MTX2: variants seen among roughly 807,000 people sequenced by gnomAD.
MTX2 encodes the protein metaxin-2.
In MTX2, 35 loss-of-function variants were observed where a neutral mutation model predicts 42.3. The ratio of observed to expected loss-of-function variants is 0.83; its 90% CI spans 0.63 to 1.10. MTX2 has a LOEUF of 1.10. Among genes scored for constraint, MTX2 ranks in the 50% least tolerant of loss-of-function variants. The pLI is 0.00. For synonymous variants in MTX2, 119 were observed against 100.9 expected (o/e 1.18, Z -1.08); for missense variants, 307 against 304.1 (o/e 1.01, Z -0.07).
rs113802324 is a variant in MTX2, at chr2:176,333,871, A to G, written c.620+3211A>G. ...GCCTATTAGCAATAGGGTGTACCAT[A>G]TACTCTAGGTGTATAGCACCATCTA... On this transcript the variant is annotated intron_variant, in intron 9 of 9. Transcript: ENST00000249442. Among the ~76,000 whole-genome samples the G allele has an allele frequency of 2.6e-3, 401 of 151,840 alleles. 3 individuals carry two copies. Among genetic ancestry groups the G allele is most frequent in the African/African-American group, 8.9e-3 (371 of 41,492 alleles).
At chr2:176,321,492 G>T (rs1558941375) in intron 3 of MTX2, among the ~76,000 whole-genome samples, 1 of 152,140 alleles carries the variant, frequency 6.6e-6, no homozygotes, top group Admixed American at 6.6e-5. Context: ...GCTTAAAAAG[G>T]TAGTTCACTT....
chr2:176,334,854 C>T (rs768183358), intron 9 of MTX2, among the ~76,000 whole-genome samples: 2 of 151,768 alleles, frequency 1.3e-5, no homozygotes, highest in Non-Finnish European at 2.9e-5. Context: ...GTGAGGGAAA[C>T]AGTTAAGTGA....
chr2:176,312,893 G>C (rs1356859529), intron 3 of MTX2, among the ~76,000 whole-genome samples: 1 of 140,644 alleles, frequency 7.1e-6, no homozygotes, highest in Non-Finnish European at 1.5e-5. Flanking sequence ...AAGAAAGAAA[G>C]AAAAGTACTT....
intron 1 of MTX2, among the ~76,000 whole-genome samples, chr2:176,289,413 T>C (rs1311468278): frequency 6.6e-6 from 1 of 152,042 alleles, no homozygotes; most frequent in East Asian, 1.9e-4. Flanking sequence ...TCTCTTTTGC[T>C]CCTGGTAAAG....
At chr2:176,333,994 A>G (rs999455143) in intron 9 of MTX2, among the ~76,000 whole-genome samples, 10 of 151,788 alleles carry the variant, frequency 6.6e-5, no homozygotes, top group African/African-American at 2.4e-4. Flanking sequence ...ACACAACTGT[A>G]TGTGCTTTGG....
chr2:176,272,881 A>G (rs960142162), intron 1 of MTX2, among the ~76,000 whole-genome samples: 3 of 152,214 alleles, frequency 2.0e-5, no homozygotes, highest in African/African-American at 7.2e-5. Flanking sequence ...TAAAATTTAT[A>G]AGATTATGTT....
At chr2:176,275,796 A>G (rs1692933011) in intron 1 of MTX2, among the ~76,000 whole-genome samples, 1 of 152,146 alleles carries the variant, frequency 6.6e-6, no homozygotes, top group South Asian at 2.1e-4. Flanking sequence ...GGACAGGCCT[A>G]ACTCACTTGC....
At chr2:176,318,038 C>T (rs1056295971) in intron 3 of MTX2, among the ~76,000 whole-genome samples, 2 of 152,128 alleles carry the variant, frequency 1.3e-5, no homozygotes, top group African/African-American at 4.8e-5. Flanking sequence ...GCCCTCTGCC[C>T]TGCTAAGTCT....
At chr2:176,290,694 A>G (rs2105407381) in intron 1 of MTX2, among the ~76,000 whole-genome samples, 1 of 151,920 alleles carries the variant, frequency 6.6e-6, no homozygotes, top group South Asian at 2.1e-4. Context: ...GTTGATTTGT[A>G]GATTCATTGC....
intron 3 of MTX2, among the ~76,000 whole-genome samples, chr2:176,322,513 C>A (rs1278146806): frequency 6.6e-6 from 1 of 151,826 alleles, no homozygotes; most frequent in East Asian, 1.9e-4. Flanking sequence ...ATAGAAATAA[C>A]ATAGTAAATT....
chr2:176,270,493 G>A (rs1692782599), intron 1 of MTX2: 3 of 1,103,698 alleles, frequency 2.7e-6, no homozygotes, highest in East Asian at 5.0e-5. Flanking sequence ...AAAGTGAGGA[G>A]ACTAAACATA....
At chr2:176,299,674 A>C (rs532270900) in intron 3 of MTX2, among the ~76,000 whole-genome samples, 10 of 152,214 alleles carry the variant, frequency 6.6e-5, no homozygotes, top group African/African-American at 2.4e-4. Context: ...TGACTTTTCC[A>C]GTTATCTGAT....
At chr2:176,283,315 T>C (rs937658567) in intron 1 of MTX2, among the ~76,000 whole-genome samples, 1 of 152,212 alleles carries the variant, frequency 6.6e-6, no homozygotes, top group Non-Finnish European at 1.5e-5. Flanking sequence ...ATATTCATCT[T>C]TGTATTATAG....
At chr2:176,310,835 G>C (rs1288540141) in intron 3 of MTX2, among the ~76,000 whole-genome samples, 1 of 152,104 alleles carries the variant, frequency 6.6e-6, no homozygotes. Context: ...CCTTGCTATG[G>C]GTTTGAACAT....
At chr2:176,324,182 AATT>A (rs1684650534) in intron 4 of MTX2, among the ~76,000 whole-genome samples, 1 of 151,486 alleles carries the variant, frequency 6.6e-6, no homozygotes, top group African/African-American at 2.4e-5. Context: ...TTTTTGAATA[AATT>A]ATTAAGTATA....
intron 4 of MTX2, among the ~76,000 whole-genome samples, chr2:176,325,566 A>C (rs2105441769): frequency 6.6e-6 from 1 of 151,882 alleles, no homozygotes; most frequent in South Asian, 2.1e-4. Context: ...AAGAACCTGA[A>C]ACTGGTCATT....
intron 3 of MTX2, among the ~76,000 whole-genome samples, chr2:176,315,383 C>T (rs1684411211): frequency 6.6e-6 from 1 of 152,140 alleles, no homozygotes; most frequent in South Asian, 2.1e-4. Context: ...GAGTTATCAG[C>T]AGAACTTCTT....
chr2:176,293,807 G>A (rs1027748721), intron 1 of MTX2, among the ~76,000 whole-genome samples: 6 of 152,164 alleles, frequency 3.9e-5, no homozygotes, highest in African/African-American at 1.4e-4. Flanking sequence ...ACAGAATCAT[G>A]TAGGTGATGC....
At chr2:176,277,548 A>T (rs1692977096) in intron 1 of MTX2, among the ~76,000 whole-genome samples, 1 of 151,984 alleles carries the variant, frequency 6.6e-6, no homozygotes, top group African/African-American at 2.4e-5. Context: ...GATTACAGGC[A>T]TGTGCCACCA....
Sources: gnomAD v4.1 joint callset for allele counts (sites outside exome capture counted in the v4.1 genomes callset) on GRCh38, gnomAD v4.1.1 for gene constraint, MANE v1.5 for transcripts, NCBI Gene and HGNC (gene_info 2026-07-23, HGNC 2026-07-21) for gene names.